Variants in ANKS1B observed in about 807,000 individuals in gnomAD.
ANKS1B encodes the protein ankyrin repeat and sterile alpha motif domain containing 1B.
Under a neutral mutation model 148.3 loss-of-function variants are expected in ANKS1B, and 36 were observed. The observed-to-expected ratio is 0.24, with a 90% confidence interval of 0.19 to 0.32. ANKS1B has a LOEUF of 0.32. ANKS1B is among the 10% of genes least tolerant of loss of function. ANKS1B has a pLI of 1.00. For missense variants in ANKS1B, 1,157 were observed against 1,542.6 expected, an observed-to-expected ratio of 0.75 and a Z score of 4.19; for synonymous variants, 542 against 560.8, an observed-to-expected ratio of 0.97 and a Z score of 0.47.
At chr12:99,240,727 C>T (rs2089131066) in intron 14 of ANKS1B, among the ~76,000 whole-genome samples, 1 of 152,168 alleles carries the variant, frequency 6.6e-6, no homozygotes, top group Non-Finnish European at 1.5e-5. Flanking sequence ...CAAATTAGAA[C>T]TCAGGATTAA....
At chr12:99,907,029 C>T (rs544092242) in intron 1 of ANKS1B, among the ~76,000 whole-genome samples, 9 of 152,300 alleles carry the variant, frequency 5.9e-5, no homozygotes, top group African/African-American at 1.9e-4. Flanking sequence ...CTGAAGGATA[C>T]AGTCAAGTAT....
intron 13 of ANKS1B, 34 bp from the exon 14 acceptor site, chr12:99,244,448 T>C (rs769679339): frequency 1.5e-6 from 2 of 1,375,594 alleles, no homozygotes; most frequent in South Asian, 2.5e-5. Context: ...AATGGATTGT[T>C]ACATTCACTT....
At chr12:99,087,274 G>T (rs7314011) in intron 15 of ANKS1B, among the ~76,000 whole-genome samples, 87,054 of 152,056 alleles carry the variant, frequency 0.57, 25,614 homozygotes, top group East Asian at 0.75. Context: ...AACTGGCTGT[G>T]CTTAGAAGGA....
At chr12:98,770,494 T>C (rs2098551687) in intron 25 of ANKS1B, among the ~76,000 whole-genome samples, 2 of 152,330 alleles carry the variant, frequency 1.3e-5, no homozygotes, top group South Asian at 4.1e-4. Flanking sequence ...TTTAATCCCG[T>C]GCAAACAAAC....
At chr12:99,326,711 A>G (rs115810960) in intron 12 of ANKS1B, among the ~76,000 whole-genome samples, 102 of 149,288 alleles carry the variant, frequency 6.8e-4, no homozygotes, top group African/African-American at 2.4e-3. Context: ...TTATATTTTA[A>G]TTTTTTTTTT....
At position 98,930,009 on chromosome 12, in the gene ANKS1B, A is replaced by G. The variant is rs1295446857; in HGVS notation, c.2779-97873T>C. Among the ~76,000 whole-genome samples the G allele has an allele frequency of 2.6e-5, 4 of 152,140 alleles. No homozygotes were observed. The East Asian group carries it at 7.7e-4, about 29-fold the overall frequency. On this transcript the variant is annotated intron_variant, in intron 17 of 26. Transcript: ENST00000683438. ...AGAAAGTAAAAATACAATCCACAAA[A>G]ATGGAGAAAATATTTGTAAATCAAA... is the stretch of plus-strand genomic sequence containing the variant.
chr12:98,913,125 T>C (rs1220396911), intron 17 of ANKS1B, among the ~76,000 whole-genome samples: 1 of 151,948 alleles, frequency 6.6e-6, no homozygotes, highest in Non-Finnish European at 1.5e-5. Flanking sequence ...GTCTAACTCA[T>C]TTTTTTTGGT....
chr12:99,029,563 C>T (rs186708506), intron 17 of ANKS1B, among the ~76,000 whole-genome samples: 13 of 152,236 alleles, frequency 8.5e-5, no homozygotes, highest in East Asian at 3.9e-4. Flanking sequence ...TCAGGGTAAG[C>T]GGTGAGGAAA....
intron 1 of ANKS1B, among the ~76,000 whole-genome samples, chr12:99,971,233 T>C (rs891047045): frequency 6.6e-6 from 1 of 152,244 alleles, no homozygotes; most frequent in Non-Finnish European, 1.5e-5. Context: ...TCACGTTCTC[T>C]GCTTATGTCT....
intron 13 of ANKS1B, among the ~76,000 whole-genome samples, chr12:99,245,397 T>C (rs552774016): frequency 6.6e-6 from 1 of 152,320 alleles, no homozygotes; most frequent in South Asian, 2.1e-4. Context: ...GTCTAAGCTA[T>C]AGCAATTTAT....
chr12:99,966,469 G>C (rs1311641613), intron 1 of ANKS1B, among the ~76,000 whole-genome samples: 2 of 152,140 alleles, frequency 1.3e-5, no homozygotes, highest in African/African-American at 4.8e-5. Flanking sequence ...ACCTGAACCT[G>C]ACTCATGGTC....
chr12:99,452,226 A>G (rs970106000), intron 10 of ANKS1B, among the ~76,000 whole-genome samples: 1 of 152,052 alleles, frequency 6.6e-6, no homozygotes, highest in Non-Finnish European at 1.5e-5. Context: ...TTTACTTACA[A>G]AAACAAGCAG....
chr12:99,030,847 C>T lies in ANKS1B; in HGVS notation c.2778+22310G>A, dbSNP rs562653295. On this transcript the variant is annotated intron_variant, in intron 17 of 26. Transcript: ENST00000683438. The stretch of plus-strand genomic sequence containing the variant: ...CCACTCCCATTGATTTAAAATTATA[C>T]ATATGCAAAGAAGGGTCATTTTGAG... Among the ~76,000 whole-genome samples, 8 of 152,248 alleles carry T rather than the reference C, an allele frequency of 5.3e-5. No homozygotes were observed. In the East Asian group the frequency reaches 1.5e-3, roughly 29 times the overall value.
chr12:99,382,606 A>G (rs1475035923), intron 12 of ANKS1B, among the ~76,000 whole-genome samples: 1 of 151,560 alleles, frequency 6.6e-6, no homozygotes, highest in Admixed American at 6.6e-5. Context: ...GCTGAGGCAC[A>G]AGAATCACTT....
rs773510082 is a variant in ANKS1B at position 99,528,438 on chromosome 12, A to C, written c.1273-23797T>G. 3.6e-3 allele frequency among the ~76,000 whole-genome samples: 351 copies of C among 98,754 alleles called. 1 individual carries two copies. The highest frequency in any genetic ancestry group is 6.9e-3 in the African/African-American group (153 of 22,260). 64.8% of individuals were successfully genotyped at this position (98,754 alleles called of 152,430 possible). ...AACAGAACAAAAACAAAAACAAAAA[A>C]AAAAACAAAAAAAAAACCATCAACA... On this transcript the variant is annotated intron_variant, in intron 9 of 26. Transcript: ENST00000683438.
intron 14 of ANKS1B, among the ~76,000 whole-genome samples, chr12:99,244,031 A>G (rs943200519): frequency 1.3e-5 from 2 of 152,106 alleles, no homozygotes; most frequent in Admixed American, 1.3e-4. Context: ...TAAAAAAAAG[A>G]CTTACAACCA....
chr12:99,494,516 G>A (rs941545872), intron 10 of ANKS1B, among the ~76,000 whole-genome samples: 4 of 151,916 alleles, frequency 2.6e-5, no homozygotes, highest in South Asian at 2.1e-4. Context: ...GGCGGGTTAC[G>A]AGGTCAGGAG....
chr12:99,890,303 G>A (rs565492592), intron 1 of ANKS1B, among the ~76,000 whole-genome samples: 5 of 152,200 alleles, frequency 3.3e-5, no homozygotes, highest in Non-Finnish European at 5.9e-5. Context: ...TAATGTAGAT[G>A]AGGCTCATAC....
intron 1 of ANKS1B, among the ~76,000 whole-genome samples, chr12:99,883,454 G>T (rs1194614811): frequency 6.6e-6 from 1 of 152,096 alleles, no homozygotes; most frequent in African/African-American, 2.4e-5. Flanking sequence ...AGTTTTTTGA[G>T]TAATAATTGG....
Sources: allele counts gnomAD v4.1 joint callset (sites outside exome capture counted in the v4.1 genomes callset), GRCh38; gene constraint gnomAD v4.1.1; transcripts MANE v1.5; gene names NCBI Gene and HGNC (gene_info 2026-07-23, HGNC 2026-07-21).